The following HECW1 variants were observed in gnomAD, a reference collection of about 807,000 sequenced individuals.
HECW1 encodes the protein HECT, C2 and WW domain containing E3 ubiquitin protein ligase 1, also known as E3 ubiquitin-protein ligase HECW1.
Under a neutral mutation model 182.3 loss-of-function variants are expected in HECW1, and 61 were observed. The observed-to-expected ratio is 0.33, with a 90% CI of 0.27 to 0.41. The LOEUF (loss-of-function observed/expected upper bound fraction) is 0.41, where lower values mean the gene tolerates loss of function less well. HECW1 is among the 10% of genes least tolerant of loss of function. The probability of loss-of-function intolerance (pLI) is 1.00; values close to 1 mark genes in which losing one functional copy is unlikely to be tolerated. For missense variants in HECW1, 1,739 were observed against 2,108.9 expected, an observed-to-expected ratio of 0.82 and a Z score of 3.44; for synonymous variants, 859 against 832.6, an observed-to-expected ratio of 1.03 and a Z score of -0.55.
chr7:43,529,820 C>CCTCA, intron 24 of HECW1, among the ~76,000 whole-genome samples: 1 of 152,214 alleles, frequency 6.6e-6, no homozygotes, highest in East Asian at 1.9e-4. Context: ...TGCTCCTCTC[C>CCTCA]CTCACTCACT....
intron 2 of HECW1, among the ~76,000 whole-genome samples, chr7:43,231,799 G>A (rs942021840): frequency 1.7e-4 from 26 of 151,996 alleles, no homozygotes; most frequent in African/African-American, 4.8e-4. Flanking sequence ...GGCGGATCAC[G>A]AGGTCAGGAG....
chr7:43,446,090 C>T (rs978514793), intron 11 of HECW1, among the ~76,000 whole-genome samples: 7 of 152,172 alleles, frequency 4.6e-5, no homozygotes, highest in African/African-American at 1.7e-4. Flanking sequence ...ATAGATATGT[C>T]TAGCCTACAT....
In HECW1 at chr7:43,242,651, A is replaced by G. The variant is rs140816136; in HGVS notation, c.-31-1224A>G. Among the ~76,000 whole-genome samples the G allele has an allele frequency of 1.7e-3, 263 of 152,274 alleles. 2 individuals are homozygous for G. Among genetic ancestry groups the G allele is most frequent in the African/African-American group, 4.8e-3 (198 of 41,558 alleles). The stretch of plus-strand genomic sequence containing the variant: ...AAATTGGAGAGTTGGCGATGTTCAC[A>G]TGGTAACTAAGGCCAGAGGCAGGGA... On this transcript the variant is annotated intron_variant, in intron 2 of 29. Coordinates refer to ENST00000395891, the MANE Select transcript of HECW1 (RefSeq NM_015052.5).
chr7:43,444,474 A>T lies in HECW1; in HGVS notation c.1302A>T (p.Gly434=). Residue 434 remains glycine, a synonymous_variant, in exon 11 of 30, where the codon GGA becomes GGT. Transcript: ENST00000395891. This position sits in a 1 kb window ranked among gnomAD's most constrained non-coding sequence, Gnocchi z 4.3. The stretch of plus-strand genomic sequence containing the variant: ...GAGACCAGGGCATGGTCTCTGTGGG[A>T]CCTGAAGGGGCTGGGGAGCTCCTGG... ...EAGDQGMVSV[G]PEGAGELLAQ... The T allele has an allele frequency of 6.2e-7, 1 of 1,613,322 alleles. No homozygotes were observed. Among genetic ancestry groups the T allele is most frequent in the Non-Finnish European group, 8.5e-7 (1 of 1,179,708 alleles).
At chr7:43,335,729 TTTCC>T (rs1021576392) in intron 5 of HECW1, among the ~76,000 whole-genome samples, 22 of 151,696 alleles carry the variant, frequency 1.5e-4, no homozygotes, top group Non-Finnish European at 2.4e-4. Flanking sequence ...TTTTTATCTC[TTTCC>T]TTCCTTCCTC....
chr7:43,259,978 G>A (rs1331540654), intron 3 of HECW1, among the ~76,000 whole-genome samples: 3 of 152,126 alleles, frequency 2.0e-5, no homozygotes, highest in Non-Finnish European at 2.9e-5. Flanking sequence ...TGAATTCTAA[G>A]TAGTAGAGAC....
chr7:43,542,726 A>G (rs959722237), intron 26 of HECW1, among the ~76,000 whole-genome samples: 1 of 152,186 alleles, frequency 6.6e-6, no homozygotes, highest in Non-Finnish European at 1.5e-5. Context: ...TGAGATTGCT[A>G]GATCATGTGG....
In HECW1 at chr7:43,475,061, A is replaced by G. The variant is rs117395233; in HGVS notation, c.3100-4549A>G. Among the ~76,000 whole-genome samples, 62 of 152,350 alleles carry G rather than the reference A, an allele frequency of 4.1e-4. No homozygotes were observed. In the East Asian group the frequency reaches 0.011, roughly 27 times the overall value. Reference sequence around the variant, plus strand: ...AAAGTGCTGGGGAAGGAGAGTGGTGATGGTTGCACAACCGTGAGAATTTAT... The same window carrying G: ...AAAGTGCTGGGGAAGGAGAGTGGTGGTGGTTGCACAACCGTGAGAATTTAT... On this transcript the variant is annotated intron_variant, in intron 16 of 29. Transcript: ENST00000395891.
chr7:43,138,408 C>T (rs1394639050), intron 2 of HECW1, among the ~76,000 whole-genome samples: 1 of 152,180 alleles, frequency 6.6e-6, no homozygotes, highest in Non-Finnish European at 1.5e-5. Context: ...ACAGATTGCT[C>T]CAGCACTGCC....
At chr7:43,383,249 G>A (rs1382469490) in intron 6 of HECW1, among the ~76,000 whole-genome samples, 2 of 152,182 alleles carry the variant, frequency 1.3e-5, no homozygotes, top group East Asian at 1.9e-4. Context: ...ACATATGTGT[G>A]CATGTGTCTT....
chr7:43,446,305 G>C (rs116564151), intron 11 of HECW1, among the ~76,000 whole-genome samples: 4,860 of 152,200 alleles, frequency 0.032, 301 homozygotes, highest in African/African-American at 0.11. Flanking sequence ...AACCAAAGAT[G>C]TTCTTTCTTA....
At chr7:43,493,720 A>T (rs2079019076) in intron 19 of HECW1, among the ~76,000 whole-genome samples, 1 of 152,200 alleles carries the variant, frequency 6.6e-6, no homozygotes, top group African/African-American at 2.4e-5. Flanking sequence ...CCTGAACTTA[A>T]ATCCTGCTTT....
At chr7:43,344,777 G>A (rs6957847) in intron 5 of HECW1, among the ~76,000 whole-genome samples, 132,686 of 152,044 alleles carry the variant, frequency 0.87, 58,025 homozygotes, top group Admixed American at 0.92. Flanking sequence ...TTTCTCCTCT[G>A]TGTTGTTTAA....
intron 5 of HECW1, among the ~76,000 whole-genome samples, chr7:43,321,992 G>A (rs1398638846): frequency 1.3e-5 from 2 of 152,218 alleles, no homozygotes; most frequent in Non-Finnish European, 2.9e-5. Flanking sequence ...TCAGGGTGTA[G>A]AGGGAACATG....
At chr7:43,175,088 A>G (rs1268666359) in intron 2 of HECW1, among the ~76,000 whole-genome samples, 1 of 152,024 alleles carries the variant, frequency 6.6e-6, no homozygotes, top group Non-Finnish European at 1.5e-5. Context: ...ACATTTTATT[A>G]TGAAATTTTT....
At chr7:43,559,612 T>C (rs530740816) in intron 29 of HECW1, among the ~76,000 whole-genome samples, 1 of 152,274 alleles carries the variant, frequency 6.6e-6, no homozygotes, top group Non-Finnish European at 1.5e-5. Flanking sequence ...ATTAATTGAC[T>C]TTTCCAGTGT....
chr7:43,443,206 A>G (rs1304846645), intron 10 of HECW1, among the ~76,000 whole-genome samples: 1 of 152,220 alleles, frequency 6.6e-6, no homozygotes, highest in East Asian at 1.9e-4. Context: ...CTTCTTCTGC[A>G]GCCCCCATAC....
chr7:43,440,516 G>A (rs1326102922), intron 9 of HECW1: 1 of 152,188 alleles, frequency 6.6e-6, no homozygotes, highest in Non-Finnish European at 1.5e-5. Flanking sequence ...AGGCAGGGGC[G>A]ATGTATGACA....
intron 24 of HECW1, among the ~76,000 whole-genome samples, chr7:43,526,025 A>G (rs950416279): frequency 2.0e-5 from 3 of 152,252 alleles, no homozygotes; most frequent in Non-Finnish European, 4.4e-5. Flanking sequence ...TCAAAACAAT[A>G]AAGCATCATA....
Sources: gnomAD v4.1 joint callset for allele counts (sites outside exome capture counted in the v4.1 genomes callset) on GRCh38, gnomAD v4.1.1 for gene constraint, Gnocchi (gnomAD v3.1) non-coding constraint, MANE v1.5 for transcripts, NCBI Gene and HGNC (gene_info 2026-07-23, HGNC 2026-07-21) for gene names.